The following FBLN1 variants were observed in gnomAD, a reference collection of about 807,000 sequenced individuals.
FBLN1 encodes fibulin 1.
Under a neutral mutation model 89.7 loss-of-function variants are expected in FBLN1, and 34 were observed. The observed-to-expected ratio is 0.38, with a 90% CI of 0.29 to 0.50. The LOEUF (loss-of-function observed/expected upper bound fraction) is 0.50. FBLN1 is among the 20% of genes least tolerant of loss of function. FBLN1 has a pLI of 0.92. For missense variants in FBLN1, 777 were observed against 988.1 expected (o/e 0.79, Z 2.86); for synonymous variants, 393 against 391.3 (o/e 1.00, Z -0.05).
At position 45,577,151 on chromosome 22, in the gene FBLN1, C is replaced by A. The variant is rs1430609959; in HGVS notation, c.1972+43C>A. The A allele has an allele frequency of 2.5e-6, 4 of 1,610,484 alleles. No individual in the cohort carries two copies. The highest frequency in any genetic ancestry group is 1.3e-5 in the African/African-American group (1 of 75,014). On this transcript the variant is annotated intron_variant, in intron 16 of 16. Coordinates refer to ENST00000327858, the MANE Select transcript of FBLN1 (RefSeq NM_006486.3). This position sits in a 1 kb window ranked among gnomAD's most constrained non-coding sequence, Gnocchi z 6.6. Reference sequence around the variant, plus strand: ...TCAGCTCTATCCAGGCACCCCTCCCCCTCCACCCCGAAACCCTCTCTGGCC... The same window carrying A: ...TCAGCTCTATCCAGGCACCCCTCCCACTCCACCCCGAAACCCTCTCTGGCC...
rs191386504 is a variant in FBLN1 at position 45,537,965 on chromosome 22, A to G, written c.922+2628A>G. Among the ~76,000 whole-genome samples, 5 of 152,320 alleles carry G rather than the reference A, an allele frequency of 3.3e-5. No homozygotes were observed. The highest frequency in any genetic ancestry group is 3.3e-4 in the Admixed American group (5 of 15,306). ...GATGGAAACCCTGACTCATGGCAAA[A>G]TCAGCCCCGATTTCCACAAAGAGGC... On this transcript the variant is annotated intron_variant, in intron 8 of 16. Transcript: ENST00000327858. The surrounding 1 kb of genome is among the most constrained non-coding windows in gnomAD (Gnocchi z 5.7).
rs1481792257 is a variant in FBLN1, at chr22:45,537,759, G to A, written c.922+2422G>A. Reference sequence around the variant, plus strand: ...GGAGACTTCTGAGCTGGGGCGCTGTGGCTCAGCTGCCAGTTGGCCCCTCGC... The same window carrying A: ...GGAGACTTCTGAGCTGGGGCGCTGTAGCTCAGCTGCCAGTTGGCCCCTCGC... On this transcript the variant is annotated intron_variant, in intron 8 of 16. Coordinates refer to ENST00000327858, the MANE Select transcript of FBLN1 (RefSeq NM_006486.3). The surrounding 1 kb of genome is among the most constrained non-coding windows in gnomAD (Gnocchi z 5.7). Among the ~76,000 whole-genome samples, 1 of 152,340 alleles carries A rather than the reference G, an allele frequency of 6.6e-6. No homozygotes were observed. The highest frequency in any genetic ancestry group is 2.1e-4 in the South Asian group (1 of 4,828).
Position 45,530,950 on chromosome 22 carries a change from G to A in FBLN1, c.485-315G>A, listed in dbSNP as rs7286143. ...GGCTAATTTTTGTATTTTTAGTAGA[G>A]ACAGCATTTCACCGTGTTGGCCAGG... On this transcript the variant is annotated intron_variant, in intron 4 of 16. Transcript: ENST00000327858. The surrounding 1 kb of genome is among the most constrained non-coding windows in gnomAD (Gnocchi z 5.4). Among the ~76,000 whole-genome samples the A allele has an allele frequency of 0.065, 9,848 of 152,066 alleles. 1,053 individuals are homozygous for A. The highest frequency in any genetic ancestry group is 0.22 in the African/African-American group (9,239 of 41,432).
intron 11 of FBLN1, 22 bp downstream of exon 11, chr22:45,543,548 C>T: frequency 1.2e-6 from 2 of 1,610,936 alleles, no homozygotes; most frequent in Non-Finnish European, 1.7e-6. Context: ...GCCCCGTCCA[C>T]TCACCTCCCC....
chr22:45,532,799 C>T lies in FBLN1; in HGVS notation c.545-264C>T, dbSNP rs2088426492. ...CTCTGCTTCGCCCCTTCCAGGTCCA[C>T]CCCAGCCTACAAAGGGCACCCTGCA... On this transcript the variant is annotated intron_variant, in intron 5 of 16. Transcript: ENST00000327858. The surrounding 1 kb of genome is among the most constrained non-coding windows in gnomAD (Gnocchi z 4.2). 11 of 559,454 alleles carry T rather than the reference C, an allele frequency of 2.0e-5. No individual in the cohort carries two copies. The highest frequency in any genetic ancestry group is 3.2e-5 in the Non-Finnish European group (10 of 310,692). 34.7% of individuals were successfully genotyped at this position (559,454 alleles called of 1,614,324 possible). A position where few individuals can be genotyped will look rare whatever the true frequency, so the allele number is the denominator to read the frequency against.
Position 45,550,270 on chromosome 22 carries a change from C to T in FBLN1, c.1574-222C>T, listed in dbSNP as rs191993843. 6.6e-5 allele frequency among the ~76,000 whole-genome samples: 10 copies of T among 152,338 alleles called. No individual in the cohort carries two copies. The highest frequency in any genetic ancestry group is 3.9e-4 in the Admixed American group (6 of 15,298). On this transcript the variant is annotated intron_variant, in intron 13 of 16. Transcript: ENST00000327858. This position sits in a 1 kb window ranked among gnomAD's most constrained non-coding sequence, Gnocchi z 8.4. ...ACTTTTACCATCGTCACGCTCCCTC[C>T]AGGGATTGCGAATGATAAGTTAACA...
At chr22:45,570,956 A>G (rs2088947959) in intron 14 of FBLN1, among the ~76,000 whole-genome samples, 1 of 151,942 alleles carries the variant, frequency 6.6e-6, no homozygotes, top group Admixed American at 6.6e-5. Flanking sequence ...GAAACCCCGT[A>G]TCTACTAAAA....
chr22:45,533,973 G>A, intron 7 of FBLN1, 75 bp downstream of exon 7: 1 of 1,596,062 alleles, frequency 6.3e-7, no homozygotes. Flanking sequence ...GGCAGCTCTG[G>A]GGTCTGGGCT....
At chr22:45,525,069 C>CAAAG (rs1176307315) in intron 2 of FBLN1, among the ~76,000 whole-genome samples, 2 of 145,222 alleles carry the variant, frequency 1.4e-5, no homozygotes, top group African/African-American at 5.1e-5. Context: ...AACTCCATCT[C>CAAAG]AAAGAAAGAA....
intron 10 of FBLN1, 62 bp from the exon 11 acceptor site, chr22:45,543,339 G>A: frequency 6.2e-7 from 1 of 1,600,274 alleles, no homozygotes; most frequent in Non-Finnish European, 8.5e-7. Flanking sequence ...CTTACTAGGA[G>A]GGTGGAGTGT....
intron 1 of FBLN1, among the ~76,000 whole-genome samples, chr22:45,510,441 T>C (rs1027293618): frequency 6.6e-6 from 1 of 152,098 alleles, no homozygotes; most frequent in Non-Finnish European, 1.5e-5. Flanking sequence ...CCGGACTTGC[T>C]CCGGGTGGGA....
intron 16 of FBLN1, among the ~76,000 whole-genome samples, chr22:45,596,829 AT>A (rs1482552731): frequency 6.9e-6 from 1 of 145,806 alleles, no homozygotes; most frequent in Admixed American, 6.9e-5. Context: ...TTATATAATA[AT>A]TATATAAATT....
intron 14 of FBLN1, among the ~76,000 whole-genome samples, chr22:45,555,292 A>ATATATATATAT (rs1569254431): frequency 2.1e-5 from 3 of 141,774 alleles, no homozygotes; most frequent in African/African-American, 8.5e-5. Context: ...TATATATATA[A>ATATATATATAT]AATGGAATAT....
At chr22:45,518,574 T>G in intron 1 of FBLN1, 108 bp from the exon 2 acceptor site, 1 of 812,442 alleles carries the variant, frequency 1.2e-6, no homozygotes, top group Non-Finnish European at 2.1e-6. Flanking sequence ...CCCAGCCTGA[T>G]GCTGTCGTCA....
intron 16 of FBLN1, among the ~76,000 whole-genome samples, chr22:45,599,077 C>T (rs1179795016): frequency 2.0e-5 from 3 of 152,180 alleles, no homozygotes; most frequent in Non-Finnish European, 4.4e-5. Context: ...GCACCCACTC[C>T]CTTACCCGCT....
intron 1 of FBLN1, among the ~76,000 whole-genome samples, chr22:45,510,615 T>C (rs2088086435): frequency 6.6e-6 from 1 of 152,286 alleles, no homozygotes; most frequent in African/African-American, 2.4e-5. Context: ...GCTTCTGCGA[T>C]GTTTACAGCT....
chr22:45,542,347 G>A (rs985709398), intron 10 of FBLN1, 64 bp downstream of exon 10: 2 of 1,601,578 alleles, frequency 1.2e-6, no homozygotes, highest in Non-Finnish European at 1.7e-6. Flanking sequence ...ACACATTTCT[G>A]TGGCACCTCG....
chr22:45,582,135 A>C (rs1238490097), intron 16 of FBLN1, among the ~76,000 whole-genome samples: 1 of 152,222 alleles, frequency 6.6e-6, no homozygotes, highest in Non-Finnish European at 1.5e-5. Flanking sequence ...GAAGTGTTCG[A>C]GGATAGGGCT....
At chr22:45,534,284 A>T (rs2146970296) in intron 7 of FBLN1, among the ~76,000 whole-genome samples, 1 of 107,940 alleles carries the variant, frequency 9.3e-6, no homozygotes, top group Non-Finnish European at 1.7e-5. Context: ...TCTCACATGT[A>T]CTTTCTACAA....
Sources: gnomAD v4.1 joint callset for allele counts (sites outside exome capture counted in the v4.1 genomes callset) on GRCh38, gnomAD v4.1.1 for gene constraint, Gnocchi (gnomAD v3.1) non-coding constraint, MANE v1.5 for transcripts, NCBI Gene and HGNC (gene_info 2026-07-23, HGNC 2026-07-21) for gene names.